Variants in UTRN observed in about 807,000 individuals in gnomAD.
UTRN encodes the protein utrophin, also known as dystrophin-related protein 1.
A neutral mutation model predicts 463.9 loss-of-function variants in UTRN; 283 were observed. The observed-to-expected ratio is 0.61, with a 90% CI of 0.55 to 0.67. The LOEUF (loss-of-function observed/expected upper bound fraction) is 0.67, where lower values mean the gene tolerates loss of function less well. Among genes scored for constraint, UTRN ranks in the 30% least tolerant of loss-of-function variants. The pLI, the probability that UTRN is intolerant of heterozygous loss-of-function variation, is 0.00. For synonymous variants in UTRN, 1,442 were observed against 1,431.5 expected, an observed-to-expected ratio of 1.01 and a Z score of -0.17; for missense variants, 3,922 against 4,084.3, an observed-to-expected ratio of 0.96 and a Z score of 1.08.
At chr6:144,439,666 G>C (rs775940593) in intron 12 of UTRN, among the ~76,000 whole-genome samples, 1 of 151,882 alleles carries the variant, frequency 6.6e-6, no homozygotes, top group Non-Finnish European at 1.5e-5. Context: ...CTAATTTTTT[G>C]TATTTTTTGT....
chr6:144,736,146 T>A (rs942539889), intron 54 of UTRN, among the ~76,000 whole-genome samples: 1 of 152,184 alleles, frequency 6.6e-6, no homozygotes, highest in Non-Finnish European at 1.5e-5. Flanking sequence ...TAAAAATAAA[T>A]CGAAGAAAAC....
intron 65 of UTRN, among the ~76,000 whole-genome samples, chr6:144,810,066 T>C (rs1778479541): frequency 1.3e-5 from 2 of 152,146 alleles, no homozygotes; most frequent in Admixed American, 6.6e-5. Context: ...TACGACCTAA[T>C]GCTAATGAAC....
chr6:144,531,386 A>G (rs965476164), intron 42 of UTRN, among the ~76,000 whole-genome samples, 184 bp downstream of exon 42: 3 of 152,262 alleles, frequency 2.0e-5, no homozygotes, highest in Non-Finnish European at 4.4e-5. Context: ...CACAATTTTC[A>G]ATCAGGATTT....
At chr6:144,412,922 T>C (rs2114823034) in intron 3 of UTRN, among the ~76,000 whole-genome samples, 1 of 152,300 alleles carries the variant, frequency 6.6e-6, no homozygotes, top group South Asian at 2.1e-4. Flanking sequence ...AAGATGACAC[T>C]CATCAGACAT....
intron 64 of UTRN, 70 bp downstream of exon 64, chr6:144,798,060 C>T: frequency 3.8e-6 from 6 of 1,594,602 alleles, no homozygotes; most frequent in African/African-American, 1.4e-5. Context: ...TACGTCCATC[C>T]TCCATTCCCA....
At chr6:144,791,771 A>C (rs1385225142) in intron 62 of UTRN, among the ~76,000 whole-genome samples, 1 of 152,188 alleles carries the variant, frequency 6.6e-6, no homozygotes, top group Non-Finnish European at 1.5e-5. Context: ...ATTTATAGAA[A>C]TATGTCAAAA....
intron 48 of UTRN, among the ~76,000 whole-genome samples, chr6:144,553,544 T>A (rs186897473): frequency 7.9e-5 from 12 of 152,316 alleles, no homozygotes; most frequent in Non-Finnish European, 1.5e-5. Context: ...ATCAGCAGGT[T>A]CTTGCGGATA....
intron 53 of UTRN, among the ~76,000 whole-genome samples, chr6:144,727,526 A>C (rs577544769): frequency 6.6e-6 from 1 of 152,342 alleles, no homozygotes; most frequent in East Asian, 1.9e-4. Flanking sequence ...TGGGAGGCCA[A>C]GGCGGGCGGA....
At chr6:144,836,575 C>T in intron 71 of UTRN, 34 bp downstream of exon 71, 2 of 1,609,350 alleles carry the variant, frequency 1.2e-6, no homozygotes, top group Non-Finnish European at 1.7e-6. Flanking sequence ...CACACCTCCC[C>T]AGGCCATCTG....
intron 2 of UTRN, among the ~76,000 whole-genome samples, chr6:144,400,038 T>C (rs1440741014): frequency 6.6e-6 from 1 of 152,164 alleles, no homozygotes; most frequent in Non-Finnish European, 1.5e-5. Flanking sequence ...CTTCTTCTAA[T>C]TCAGTCTCGT....
At chr6:144,735,897 A>G (rs1161515374) in intron 54 of UTRN, among the ~76,000 whole-genome samples, 3 of 152,038 alleles carry the variant, frequency 2.0e-5, no homozygotes, top group Non-Finnish European at 2.9e-5. Flanking sequence ...CCCTAATAAA[A>G]TGTCTAGAAA....
intron 34 of UTRN, among the ~76,000 whole-genome samples, chr6:144,509,651 T>C (rs1307767905): frequency 6.6e-6 from 1 of 152,164 alleles, no homozygotes; most frequent in Non-Finnish European, 1.5e-5. Context: ...TTAAGGAACA[T>C]GCAGATTTCA....
At position 144,613,940 on chromosome 6, in the gene UTRN, C is replaced by G. The variant is rs77789678; in HGVS notation, c.7479+36652C>G. Among the ~76,000 whole-genome samples, 26 of 152,136 alleles carry G rather than the reference C, an allele frequency of 1.7e-4. No homozygotes were observed. The East Asian group carries it at 3.1e-3, about 18-fold the overall frequency. On this transcript the variant is annotated intron_variant, in intron 51 of 74. Transcript: ENST00000367545. ...TTTTCAAAACACTATTTTATTTTAT[C>G]TTTTCCCATACTAAAAGTACTCATC...
chr6:144,748,594 T>C (rs1471014462), intron 55 of UTRN, 80 bp downstream of exon 55: 3 of 1,513,932 alleles, frequency 2.0e-6, no homozygotes, highest in Non-Finnish European at 2.6e-6. Context: ...GCCACGTATA[T>C]AAATTGTTAT....
intron 51 of UTRN, among the ~76,000 whole-genome samples, chr6:144,668,138 C>A (rs1780617493): frequency 6.6e-6 from 1 of 152,154 alleles, no homozygotes; most frequent in African/African-American, 2.4e-5. Context: ...CTATTAGTGT[C>A]ATGTTAGACA....
chr6:144,773,493 G>A (rs1235348152), intron 59 of UTRN, among the ~76,000 whole-genome samples: 2 of 152,104 alleles, frequency 1.3e-5, no homozygotes, highest in African/African-American at 4.8e-5. Flanking sequence ...CCATCATAAG[G>A]GTCATGGTGA....
chr6:144,474,895 G>A, intron 25 of UTRN, 136 bp downstream of exon 25: 1 of 967,780 alleles, frequency 1.0e-6, no homozygotes. Context: ...GTAGTGAGCT[G>A]GGGCCAAAAA....
At chr6:144,372,833 C>A (rs1780118925) in intron 2 of UTRN, among the ~76,000 whole-genome samples, 2 of 152,134 alleles carry the variant, frequency 1.3e-5, no homozygotes, top group South Asian at 4.1e-4. Flanking sequence ...AATCTAAAGA[C>A]AACCCAATTG....
intron 53 of UTRN, among the ~76,000 whole-genome samples, chr6:144,710,661 A>G (rs1241036194): frequency 6.6e-6 from 1 of 152,254 alleles, no homozygotes; most frequent in African/African-American, 2.4e-5. Flanking sequence ...GGCCTAGCAC[A>G]TAGTAAACAC....
Sources: gnomAD v4.1 joint callset for allele counts (sites outside exome capture counted in the v4.1 genomes callset) on GRCh38, gnomAD v4.1.1 for gene constraint, MANE v1.5 for transcripts, NCBI Gene and HGNC (gene_info 2026-07-23, HGNC 2026-07-21) for gene names.